Variants in NRXN1 observed in about 807,000 individuals in gnomAD.
NRXN1 encodes the protein neurexin 1, also known as neurexin-1.
Under a neutral mutation model 150.9 loss-of-function variants are expected in NRXN1, and 39 were observed. The ratio of observed to expected loss-of-function variants is 0.26; its 90% CI spans 0.20 to 0.34. The LOEUF (loss-of-function observed/expected upper bound fraction) is 0.34. NRXN1 is among the 10% of genes least tolerant of loss of function. NRXN1 has a pLI of 1.00. For missense variants in NRXN1, 1,815 were observed against 1,949.9 expected (o/e 0.93, Z 1.30); for synonymous variants, 924 against 757.0 (o/e 1.22, Z -3.62).
chr2:50,746,120 T>C (rs1699994555), intron 5 of NRXN1, among the ~76,000 whole-genome samples: 1 of 152,154 alleles, frequency 6.6e-6, no homozygotes, highest in African/African-American at 2.4e-5. Context: ...GAATCAGTTT[T>C]GCCGTAGAAA....
In NRXN1 at chr2:50,197,432, C is replaced by T. The variant is rs565999077; in HGVS notation, c.3546+39357G>A. Among the ~76,000 whole-genome samples the T allele has an allele frequency of 2.0e-5, 3 of 152,256 alleles. No individual in the cohort carries two copies. The Middle Eastern group carries it at 0.01, about 518-fold the overall frequency. ...GATTAGTCTCTGAAGCAACTTTCTGCTCGAAATGTTGATGAATCCGAATCA... is the reference window on the plus strand; with the variant it reads ...GATTAGTCTCTGAAGCAACTTTCTGTTCGAAATGTTGATGAATCCGAATCA... On this transcript the variant is annotated intron_variant, in intron 18 of 22. Transcript: ENST00000401669.
chr2:50,532,900 G>T (rs916802815), intron 10 of NRXN1, among the ~76,000 whole-genome samples: 1 of 152,036 alleles, frequency 6.6e-6, no homozygotes, highest in Non-Finnish European at 1.5e-5. Context: ...CGATAACTCA[G>T]GATGCTACTT....
At chr2:50,663,794 T>C (rs528069197) in intron 5 of NRXN1, among the ~76,000 whole-genome samples, 1 of 152,174 alleles carries the variant, frequency 6.6e-6, no homozygotes, top group South Asian at 2.1e-4. Context: ...CATCCACTTA[T>C]TGATTCTACT....
intron 21 of NRXN1, among the ~76,000 whole-genome samples, chr2:50,015,659 T>C (rs1686467741): frequency 6.6e-6 from 1 of 151,850 alleles, no homozygotes. Context: ...TCAGTAATAA[T>C]GAATGAAAAA....
At chr2:50,161,265 G>T (rs76236082) in intron 18 of NRXN1, among the ~76,000 whole-genome samples, 1,644 of 152,136 alleles carry the variant, frequency 0.011, 36 homozygotes, top group African/African-American at 0.038. Context: ...TTATAAAACA[G>T]GTAGAGCAGG....
At chr2:49,955,863 A>C (rs746990997) in intron 21 of NRXN1, among the ~76,000 whole-genome samples, 24 of 152,108 alleles carry the variant, frequency 1.6e-4, no homozygotes, top group Admixed American at 2.6e-4. Context: ...ATATCTACTG[A>C]TTCTGCCATT....
intron 5 of NRXN1, among the ~76,000 whole-genome samples, chr2:50,824,390 G>A (rs1446478296): frequency 6.6e-6 from 1 of 152,034 alleles, no homozygotes; most frequent in African/African-American, 2.4e-5. Flanking sequence ...TAAAGGGTAT[G>A]ATTATTACAC....
At chr2:50,526,629 T>TA (rs1558882588) in intron 12 of NRXN1, 1 of 152,126 alleles carries the variant, frequency 6.6e-6, no homozygotes, top group Non-Finnish European at 1.5e-5. Flanking sequence ...GAGTCTTTTT[T>TA]ATGGAACTTG....
intron 15 of NRXN1, among the ~76,000 whole-genome samples, chr2:50,487,245 A>G (rs1175286876): frequency 6.6e-6 from 1 of 152,206 alleles, no homozygotes; most frequent in African/African-American, 2.4e-5. Context: ...CACAAAAGAA[A>G]TGGCAGAGAT....
In NRXN1 at chr2:50,196,800, T is replaced by G. The variant is rs1375166630; in HGVS notation, c.3546+39989A>C. ...GAGGCCATTTTTCTCAGCAAACTAA[T>G]GCAGGAACAGAAAACCAAATACTGC... On this transcript the variant is annotated intron_variant, in intron 18 of 22. Coordinates refer to ENST00000401669, the MANE Select transcript of NRXN1 (RefSeq NM_001330078.2). Among the ~76,000 whole-genome samples the G allele has an allele frequency of 2.0e-5, 3 of 152,244 alleles. No homozygotes were observed. The East Asian group carries it at 5.8e-4, about 29-fold the overall frequency.
intron 5 of NRXN1, among the ~76,000 whole-genome samples, chr2:50,908,890 T>C (rs1016320293): frequency 1.3e-5 from 2 of 152,034 alleles, no homozygotes; most frequent in Non-Finnish European, 2.9e-5. Context: ...CCACATGTTA[T>C]GATGCAGCAA....
chr2:50,247,599 T>C (rs1350196646), intron 17 of NRXN1, among the ~76,000 whole-genome samples: 1 of 152,084 alleles, frequency 6.6e-6, no homozygotes, highest in African/African-American at 2.4e-5. Context: ...TAAGAAAACA[T>C]CTAACAAACC....
At chr2:50,915,521 C>A (rs9309205) in intron 5 of NRXN1, among the ~76,000 whole-genome samples, 39,407 of 151,330 alleles carry the variant, frequency 0.26, 6,792 homozygotes, top group East Asian at 0.54. Flanking sequence ...TAAAGAGTAA[C>A]AGATATCTAA....
chr2:50,402,223 C>CT (rs1276381815), intron 17 of NRXN1, among the ~76,000 whole-genome samples: 1 of 151,926 alleles, frequency 6.6e-6, no homozygotes, highest in African/African-American at 2.4e-5. Flanking sequence ...GCCTTCATGT[C>CT]TTTTTTTCCA....
chr2:50,985,373 C>T (rs2104929592), intron 2 of NRXN1: 1 of 151,838 alleles, frequency 6.6e-6, no homozygotes, highest in East Asian at 1.9e-4. Context: ...ATAAAAATTA[C>T]CTATATTAGA....
chr2:49,941,705 A>T (rs1039449100), intron 22 of NRXN1, among the ~76,000 whole-genome samples: 1 of 152,138 alleles, frequency 6.6e-6, no homozygotes, highest in South Asian at 2.1e-4. Context: ...ATACTGTGTA[A>T]AATACTGAAA....
At chr2:50,691,559 C>G (rs1040127459) in intron 5 of NRXN1, among the ~76,000 whole-genome samples, 1 of 152,090 alleles carries the variant, frequency 6.6e-6, no homozygotes, top group Non-Finnish European at 1.5e-5. Context: ...TCTGAAATGC[C>G]ATTGCAAAGA....
chr2:49,952,505 C>T (rs1352735097), intron 21 of NRXN1, among the ~76,000 whole-genome samples: 1 of 151,952 alleles, frequency 6.6e-6, no homozygotes, highest in Non-Finnish European at 1.5e-5. Context: ...ATGGAGTTAA[C>T]CCAGAGAGTT....
At chr2:50,777,164 G>A (rs986826742) in intron 5 of NRXN1, among the ~76,000 whole-genome samples, 5 of 151,974 alleles carry the variant, frequency 3.3e-5, no homozygotes, top group Non-Finnish European at 5.9e-5. Context: ...AGTAGAAACC[G>A]AGCTAGTCTT....
Sources: gnomAD v4.1 joint callset for allele counts (sites outside exome capture counted in the v4.1 genomes callset) on GRCh38, gnomAD v4.1.1 for gene constraint, MANE v1.5 for transcripts, NCBI Gene and HGNC (gene_info 2026-07-23, HGNC 2026-07-21) for gene names.